SNRPN: variants seen among roughly 807,000 people sequenced by gnomAD.
The protein encoded by SNRPN is small nuclear ribonucleoprotein-associated protein N.
A neutral mutation model predicts 25.2 loss-of-function variants in SNRPN; 7 were observed. The ratio of observed to expected loss-of-function variants is 0.28; its 90% CI spans 0.16 to 0.52. The LOEUF (loss-of-function observed/expected upper bound fraction) is 0.52, where lower values mean the gene tolerates loss of function less well. Ranked by LOEUF, SNRPN falls within the 20% of genes least tolerant of loss-of-function variation. The probability of loss-of-function intolerance (pLI) is 0.96; values close to 1 mark genes in which losing one functional copy is unlikely to be tolerated. For missense variants in SNRPN, 196 were observed against 322.5 expected, an observed-to-expected ratio of 0.61 and a Z score of 3.00; for synonymous variants, 124 against 110.6, an observed-to-expected ratio of 1.12 and a Z score of -0.76.
At chr15:24,841,422 T>C (rs1172308436) in intron 2 of SNRPN, among the ~76,000 whole-genome samples, 1 of 152,142 alleles carries the variant, frequency 6.6e-6, no homozygotes. Context: ...ATAAGCATTG[T>C]GTGCAGATAA....
rs532681302 is a variant in SNRPN at position 24,911,505 on chromosome 15, A to G, written c.-504-8506A>G. On this transcript the variant is annotated intron_variant, in intron 2 of 11. Transcript: ENST00000400097. ...TGGGGCTCACTGACTATGCTGCCTC[A>G]TGTATCTGCTCCCTGAAGTCAAGCA... 1.2e-3 allele frequency among the ~76,000 whole-genome samples: 182 copies of G among 152,318 alleles called. 1 individual carries two copies. The highest frequency in any genetic ancestry group is 2.1e-3 in the Non-Finnish European group (145 of 68,020).
upstream of SNRPN, among the ~76,000 whole-genome samples, chr15:24,953,818 G>A (rs142552036): frequency 8.5e-4 from 129 of 152,148 alleles, no homozygotes; most frequent in African/African-American, 2.9e-3. Context: ...TTATATATAC[G>A]TTTATTTAGT....
chr15:24,935,931 T>TA (rs1449057291), intron 3 of SNRPN, among the ~76,000 whole-genome samples: 2 of 151,914 alleles, frequency 1.3e-5, no homozygotes, highest in Non-Finnish European at 2.9e-5. Context: ...CTGGCCAACA[T>TA]AGTGAAAACC....
At chr15:24,945,851 TCTC>T (rs1270945675) in intron 3 of SNRPN, among the ~76,000 whole-genome samples, 1 of 152,192 alleles carries the variant, frequency 6.6e-6, no homozygotes, top group Non-Finnish European at 1.5e-5. Context: ...AAGATTTCTC[TCTC>T]CTCATCAAGG....
At chr15:24,871,677 C>T (rs1254764473) in intron 1 of SNRPN, among the ~76,000 whole-genome samples, 1 of 151,446 alleles carries the variant, frequency 6.6e-6, no homozygotes, top group Non-Finnish European at 1.5e-5. Flanking sequence ...AACAGTAGAC[C>T]CTCATTACCT....
At chr15:24,913,668 C>CAAAACA (rs1555394742) in intron 2 of SNRPN, among the ~76,000 whole-genome samples, 2 of 151,322 alleles carry the variant, frequency 1.3e-5, no homozygotes, top group African/African-American at 4.9e-5. Context: ...CAAAACAAAA[C>CAAAACA]AAAAAAAACA....
intron 2 of SNRPN, among the ~76,000 whole-genome samples, chr15:24,905,232 C>T (rs568815979): frequency 3.3e-5 from 5 of 152,056 alleles, no homozygotes; most frequent in South Asian, 2.1e-4. Context: ...CAGGGAGGAC[C>T]GGGTGCGGTG....
rs535871093 is a variant in SNRPN at position 24,969,046 on chromosome 15, G to A, written c.-144+964G>A. On this transcript the variant is annotated intron_variant, in intron 3 of 9. Coordinates refer to ENST00000390687, the MANE Select transcript of SNRPN (RefSeq NM_003097.6). ...TGGGTTTACTGATAAATTCCTTCTA[G>A]CCTTTTTTTAAGTCTGTTTTTGAAG... 7.2e-5 allele frequency among the ~76,000 whole-genome samples: 11 copies of A among 152,128 alleles called. No individual in the cohort carries two copies. The East Asian group carries it at 1.5e-3, about 21-fold the overall frequency.
chr15:24,829,805 T>A (rs1194595352), exon 2 of SNRPN: 2 of 152,078 alleles, frequency 1.3e-5, no homozygotes, highest in Non-Finnish European at 2.9e-5. Context: ...CAGATGTAAG[T>A]GGGATCTGTG....
chr15:24,858,751 A>G (rs1279866792), intron 1 of SNRPN, among the ~76,000 whole-genome samples: 1 of 152,132 alleles, frequency 6.6e-6, no homozygotes, highest in East Asian at 1.9e-4. Flanking sequence ...CAGTGAGTCA[A>G]CATCGAGCCA....
chr15:24,840,759 T>G (rs554358947), intron 2 of SNRPN, among the ~76,000 whole-genome samples: 92 of 152,316 alleles, frequency 6.0e-4, no homozygotes, highest in African/African-American at 2.1e-3. Context: ...CTGTTTTGGC[T>G]TCTTGCTCAG....
At chr15:24,847,509 G>C (rs1187645944) in intron 2 of SNRPN, among the ~76,000 whole-genome samples, 1 of 152,002 alleles carries the variant, frequency 6.6e-6, no homozygotes, top group Non-Finnish European at 1.5e-5. Flanking sequence ...GCATGGTGGC[G>C]GGTGCCTGTA....
chr15:24,976,453 G>A (rs1405243895), intron 6 of SNRPN, 37 bp downstream of exon 6: 1 of 1,327,794 alleles, frequency 7.5e-7, no homozygotes, highest in Non-Finnish European at 1.1e-6. Flanking sequence ...ACTTTAATTT[G>A]CAGGGACATC....
chr15:24,867,391 G>C (rs972524914), intron 1 of SNRPN, among the ~76,000 whole-genome samples: 2 of 148,256 alleles, frequency 1.3e-5, no homozygotes, highest in South Asian at 2.1e-4. Context: ...TTTTTTTTGG[G>C]GGGGACGGAG....
intron 1 of SNRPN, among the ~76,000 whole-genome samples, chr15:24,868,094 T>G (rs906409689): frequency 2.0e-5 from 3 of 150,652 alleles, no homozygotes; most frequent in African/African-American, 4.9e-5. Flanking sequence ...AGTTTGAGTG[T>G]GTGTGCATGT....
intron 2 of SNRPN, among the ~76,000 whole-genome samples, chr15:24,901,143 T>C (rs2058422693): frequency 6.6e-6 from 1 of 152,126 alleles, no homozygotes; most frequent in African/African-American, 2.4e-5. Flanking sequence ...CTGGTAGAGA[T>C]CTTTCATCTC....
chr15:24,883,204 C>G (rs1286619893), intron 1 of SNRPN, among the ~76,000 whole-genome samples: 1 of 152,198 alleles, frequency 6.6e-6, no homozygotes, highest in Non-Finnish European at 1.5e-5. Context: ...AATCAGAAAC[C>G]AGCGGCTTTG....
Position 24,865,296 on chromosome 15 carries a change from C to T in SNRPN, c.-579+8580C>T, listed in dbSNP as rs554812111. On this transcript the variant is annotated intron_variant, in intron 1 of 11. Coordinates refer to the SNRPN transcript ENST00000400097. ...TCCTGACCTCAGGTAATCCACCCGCCTTGGCCTCCCAAAGTGCTATGATTA... is the reference window on the plus strand; with the variant it reads ...TCCTGACCTCAGGTAATCCACCCGCTTTGGCCTCCCAAAGTGCTATGATTA... 1.5e-3 allele frequency among the ~76,000 whole-genome samples: 221 copies of T among 152,300 alleles called. 2 individuals are homozygous for T. The highest frequency in any genetic ancestry group is 5.1e-3 in the African/African-American group (214 of 41,568).
In SNRPN at chr15:24,975,476, T is replaced by C; in HGVS notation, c.122T>C (p.Ile41Thr). 6.2e-7 allele frequency: 1 copy of C among 1,613,982 alleles called. No homozygotes were observed. Among genetic ancestry groups the C allele is most frequent in the Non-Finnish European group, 8.5e-7 (1 of 1,179,946 alleles). The change falls in exon 5 of 10, where the codon ATC (isoleucine) becomes ACC (threonine). Residue 41 changes from isoleucine (I) to threonine (T), a missense_variant. Coordinates refer to ENST00000390687, the MANE Select transcript of SNRPN (RefSeq NM_003097.6). ...FKAFDKHMNL[I>T]LCDCDEFRKI... ...GCTTTTGACAAGCATATGAATTTGA[T>C]CCTCTGTGATTGTGATGAGTTCAGA...
Sources: gnomAD v4.1 joint callset for allele counts (sites outside exome capture counted in the v4.1 genomes callset) on GRCh38, gnomAD v4.1.1 for gene constraint, MANE v1.5 for transcripts, NCBI Gene and HGNC (gene_info 2026-07-23, HGNC 2026-07-21) for gene names.